Variants in SGTA observed in about 807,000 individuals in gnomAD.
The protein encoded by SGTA is small glutamine-rich tetratricopeptide repeat-containing protein alpha.
SGTA carries 22 observed loss-of-function variants against 44.3 expected under a neutral mutation model. The ratio of observed to expected loss-of-function variants is 0.50; its 90% CI spans 0.36 to 0.71. The LOEUF (loss-of-function observed/expected upper bound fraction) is 0.71. SGTA is among the 30% of genes least tolerant of loss of function. The pLI, the probability that SGTA is intolerant of heterozygous loss-of-function variation, is 0.00. For missense variants in SGTA, 341 were observed against 435.9 expected, an observed-to-expected ratio of 0.78 and a Z score of 1.94; for synonymous variants, 174 against 177.6, an observed-to-expected ratio of 0.98 and a Z score of 0.16.
chr19:2,765,921 C>T lies in SGTA; in HGVS notation c.293-636G>A, dbSNP rs1236775789. Reference sequence around the variant, plus strand: ...TATAATTTACATGCCACAAAGCTTACGCTTTAAAAATATAAGCCCGGGCGC... The same window carrying T: ...TATAATTTACATGCCACAAAGCTTATGCTTTAAAAATATAAGCCCGGGCGC... On this transcript the variant is annotated intron_variant, in intron 4 of 11. Transcript: ENST00000221566. The surrounding 1 kb of genome is among the most constrained non-coding windows in gnomAD (Gnocchi z 5.5). Among the ~76,000 whole-genome samples the T allele has an allele frequency of 3.9e-5, 6 of 152,182 alleles. No homozygotes were observed. In the South Asian group the frequency reaches 6.2e-4, roughly 16 times the overall value.
At chr19:2,776,124 C>T (rs1915440294) in intron 1 of SGTA, among the ~76,000 whole-genome samples, 2 of 152,210 alleles carry the variant, frequency 1.3e-5, no homozygotes, top group South Asian at 4.1e-4. Flanking sequence ...TGACGTCATC[C>T]GCCCCGGCCA....
rs1451274802 is a variant in SGTA at position 2,765,436 on chromosome 19, G to A, written c.293-151C>T. The A allele has an allele frequency of 1.9e-5, 12 of 626,434 alleles. No individual in the cohort carries two copies. Among genetic ancestry groups the A allele is most frequent in the African/African-American group, 3.7e-5 (2 of 54,324 alleles). 38.8% of individuals were successfully genotyped at this position (626,434 alleles called of 1,614,324 possible). On this transcript the variant is annotated intron_variant, in intron 4 of 11. Transcript: ENST00000221566. The surrounding 1 kb of genome is among the most constrained non-coding windows in gnomAD (Gnocchi z 5.5). Reference sequence around the variant, plus strand: ...GCAGCCAGGACTCAACACAGATGCCGGCTCAGGAGGCATCTGCATCTATAG... The same window carrying A: ...GCAGCCAGGACTCAACACAGATGCCAGCTCAGGAGGCATCTGCATCTATAG...
At chr19:2,764,891 G>T (rs1178098797) in intron 5 of SGTA, among the ~76,000 whole-genome samples, 1 of 152,112 alleles carries the variant, frequency 6.6e-6, no homozygotes, top group African/African-American at 2.4e-5. Context: ...TACATTTTCT[G>T]TAGAGACGGG....
chr19:2,778,191 G>C (rs903381591), intron 1 of SGTA, among the ~76,000 whole-genome samples: 46 of 152,248 alleles, frequency 3.0e-4, no homozygotes, highest in African/African-American at 1.1e-3. Context: ...ACAGGGCCTA[G>C]CACGATCCAC....
chr19:2,772,834 A>G lies in SGTA; in HGVS notation c.-23-3743T>C, dbSNP rs59579366. On this transcript the variant is annotated intron_variant, in intron 1 of 11. Coordinates refer to ENST00000221566, the MANE Select transcript of SGTA (RefSeq NM_003021.4). ...GGTGACGCGGCCACAGGGCAGGGAC[A>G]CCGAGGGCAGAGGTGGGTGACGCGG... Among the ~76,000 whole-genome samples, 40 of 110,580 alleles carry G rather than the reference A, an allele frequency of 3.6e-4. 1 individual carries two copies. The East Asian group carries it at 7.5e-3, about 21-fold the overall frequency. 72.5% of individuals were successfully genotyped at this position (110,580 alleles called of 152,430 possible).
At chr19:2,766,103 C>T (rs1915135728) in intron 4 of SGTA, among the ~76,000 whole-genome samples, 1 of 152,154 alleles carries the variant, frequency 6.6e-6, no homozygotes, top group Non-Finnish European at 1.5e-5. Flanking sequence ...GTAGTCCCAG[C>T]TACTCAGAAG....
intron 8 of SGTA, 49 bp from the exon 9 acceptor site, chr19:2,759,343 AT>A: frequency 6.4e-7 from 1 of 1,557,870 alleles, no homozygotes; most frequent in African/African-American, 1.4e-5. Context: ...CCAGCGCATC[AT>A]TCTCTTTCAT....
chr19:2,775,156 G>A (rs1428736942), intron 1 of SGTA, among the ~76,000 whole-genome samples: 3 of 152,224 alleles, frequency 2.0e-5, no homozygotes, highest in South Asian at 2.1e-4. Context: ...TGACCTATGC[G>A]GCAGGACTGG....
At chr19:2,757,218 G>A (rs556661545) in intron 11 of SGTA, 119 bp downstream of exon 11, 3 of 1,268,266 alleles carry the variant, frequency 2.4e-6, no homozygotes, top group East Asian at 5.1e-5. Context: ...TCGCTGTCCA[G>A]TGTCCAGACA....
intron 10 of SGTA, 93 bp downstream of exon 10, chr19:2,757,600 G>A: frequency 6.9e-7 from 1 of 1,443,112 alleles, no homozygotes; most frequent in Admixed American, 2.3e-5. Context: ...TCGGAGCAGG[G>A]GACGCAGCAC....
In SGTA at chr19:2,759,036, A is replaced by T. The variant is rs145732901; in HGVS notation, c.737+221T>A. Among the ~76,000 whole-genome samples, 30 of 152,030 alleles carry T rather than the reference A, an allele frequency of 2.0e-4. No homozygotes were observed. In the East Asian group the frequency reaches 5.8e-3, roughly 29 times the overall value. On this transcript the variant is annotated intron_variant, in intron 9 of 11. Transcript: ENST00000221566. ...GGGGCTTCTTTCGGAGGTGATGAAGATGGGTTGGTGCTCAATGGTGGTGAC... is the reference window on the plus strand; with the variant it reads ...GGGGCTTCTTTCGGAGGTGATGAAGTTGGGTTGGTGCTCAATGGTGGTGAC...
rs75548675 is a variant in SGTA at position 2,757,791 on chromosome 19, G to A, written c.738-9C>T. ...AAATCATGCCGGACATGCTGCAGGA[G>A]AGAGCGCGTGACTCGCAGCCGGGAC... is the stretch of plus-strand genomic sequence containing the variant. On this transcript the variant is annotated splice_polypyrimidine_tract_variant and intron_variant, in intron 9 of 11. Transcript: ENST00000221566. 12 of 1,564,550 alleles carry A rather than the reference G, an allele frequency of 7.7e-6. No individual in the cohort carries two copies. Among genetic ancestry groups the A allele is most frequent in the East Asian group, 2.3e-5 (1 of 43,688 alleles).
In SGTA at chr19:2,761,521, G is replaced by A. The variant is rs1250621953; in HGVS notation, c.638C>T (p.Thr213Met). The stretch of plus-strand genomic sequence containing the variant: ...GATGTCGAAGCTGCCCACGCCTCCC[G>A]TCTGAGGATGAGAACAGCCCTGGTT... ...ELKLREAPSP[T>M]GGVGSFDIAG... The change falls in exon 8 of 12, where the codon ACG (threonine) becomes ATG (methionine). Residue 213 changes from threonine (T) to methionine (M), a missense_variant and splice_region_variant. Coordinates refer to ENST00000221566, the MANE Select transcript of SGTA (RefSeq NM_003021.4). This position sits in a 1 kb window ranked among gnomAD's most constrained non-coding sequence, Gnocchi z 5.7. The A allele has an allele frequency of 1.8e-5, 28 of 1,551,200 alleles. 1 individual carries two copies. The highest frequency in any genetic ancestry group is 5.5e-5 in the African/African-American group (4 of 73,008).
rs1300208009 is a variant in SGTA at position 2,761,567 on chromosome 19, C to T, written c.637-45G>A. 2.0e-6 allele frequency: 3 copies of T among 1,472,574 alleles called. No homozygotes were observed. Among genetic ancestry groups the T allele is most frequent in the Non-Finnish European group, 2.8e-6 (3 of 1,075,626 alleles). The allele number at this position is 1,472,574 out of a possible 1,614,324, so 91.2% of individuals were successfully genotyped here. ...TGGTTAGTGGGGCCTGGACCAGAGG[C>T]CACGGTGAATAACCCCCTGGAACTC... is the stretch of plus-strand genomic sequence containing the variant. On this transcript the variant is annotated intron_variant, in intron 7 of 11. Transcript: ENST00000221566. This position sits in a 1 kb window ranked among gnomAD's most constrained non-coding sequence, Gnocchi z 5.7.
intron 1 of SGTA, among the ~76,000 whole-genome samples, chr19:2,780,929 T>C (rs1379864112): frequency 6.6e-6 from 1 of 152,028 alleles, no homozygotes; most frequent in Admixed American, 6.6e-5. Context: ...TAAAACAAAA[T>C]ACAAAAATTA....
In SGTA at chr19:2,759,221, C is replaced by T; in HGVS notation, c.737+36G>A. 1.9e-6 allele frequency: 3 copies of T among 1,603,918 alleles called. No homozygotes were observed. In the South Asian group the frequency reaches 3.3e-5, roughly 18 times the overall value. The stretch of plus-strand genomic sequence containing the variant: ...TACCCACAATAAAAGGAAATTTAAC[C>T]ACAACAAGACCCGAAGAAACCCGGT... On this transcript the variant is annotated intron_variant, in intron 9 of 11. Coordinates refer to ENST00000221566, the MANE Select transcript of SGTA (RefSeq NM_003021.4).
intron 1 of SGTA, among the ~76,000 whole-genome samples, chr19:2,780,277 C>T (rs551917488): frequency 5.9e-5 from 9 of 152,286 alleles, no homozygotes; most frequent in Non-Finnish European, 1.0e-4. Flanking sequence ...CCCAAATCCA[C>T]GGTGCTTCTC....
rs747806411 is a variant in SGTA at position 2,763,730 on chromosome 19, G to T, written c.420C>A (p.Asn140Lys). Residue 140 changes from asparagine (N) to lysine (K), a missense_variant, in exon 6 of 12, where the codon AAC (asparagine) becomes AAA (lysine). Coordinates refer to ENST00000221566, the MANE Select transcript of SGTA (RefSeq NM_003021.4). This position sits in a 1 kb window ranked among gnomAD's most constrained non-coding sequence, Gnocchi z 5.8. Reference sequence around the variant, plus strand: ...CACAGTCCTGCACCGCGCCTGCGTAGTTGCCGAGTTTGCTGTAGGCTGCGG... The same window carrying T: ...CACAGTCCTGCACCGCGCCTGCGTATTTGCCGAGTTTGCTGTAGGCTGCGG... ...NRAAAYSKLG[N>K]YAGAVQDCER... is the part of the protein sequence containing the mutation. 6.2e-7 allele frequency: 1 copy of T among 1,613,822 alleles called. No homozygotes were observed. The highest frequency in any genetic ancestry group is 8.5e-7 in the Non-Finnish European group (1 of 1,179,942).
Position 2,767,240 on chromosome 19 carries a change from C to A in SGTA, c.208-20G>T. 7 of 1,584,008 alleles carry A rather than the reference C, an allele frequency of 4.4e-6. No individual in the cohort carries two copies. The highest frequency in any genetic ancestry group is 6.0e-6 in the Non-Finnish European group (7 of 1,162,108). On this transcript the variant is annotated intron_variant, in intron 3 of 11. Transcript: ENST00000221566. The surrounding 1 kb of genome is among the most constrained non-coding windows in gnomAD (Gnocchi z 7.3). ...CATCTCCTGGACCCGGAGGCAAAGGCGGCCCGCTGTCCTCTCCTCCCAACC... is the reference window on the plus strand; with the variant it reads ...CATCTCCTGGACCCGGAGGCAAAGGAGGCCCGCTGTCCTCTCCTCCCAACC...
Sources: allele counts gnomAD v4.1 joint callset (sites outside exome capture counted in the v4.1 genomes callset), GRCh38; gene constraint gnomAD v4.1.1; non-coding constraint Gnocchi (gnomAD v3.1); transcripts MANE v1.5; gene names NCBI Gene and HGNC (gene_info 2026-07-23, HGNC 2026-07-21).